The following TAOK1 variants were observed in gnomAD, a reference collection of about 807,000 sequenced individuals.
The protein encoded by TAOK1 is serine/threonine-protein kinase TAO1.
TAOK1 carries 21 observed loss-of-function variants against 138.3 expected under a neutral mutation model. The ratio of observed to expected loss-of-function variants is 0.15; its 90% confidence interval spans 0.11 to 0.22. The LOEUF (loss-of-function observed/expected upper bound fraction) is 0.22. Ranked by LOEUF, TAOK1 falls within the 10% of genes least tolerant of loss-of-function variation. TAOK1 has a pLI of 1.00. For missense variants in TAOK1, 651 were observed against 1,227.7 expected, an observed-to-expected ratio of 0.53 and a Z score of 7.02; for synonymous variants, 361 against 398.4, an observed-to-expected ratio of 0.91 and a Z score of 1.12.
At chr17:29,483,034 T>G (rs1399960048) in intron 8 of TAOK1, among the ~76,000 whole-genome samples, 1 of 152,178 alleles carries the variant, frequency 6.6e-6, no homozygotes, top group Non-Finnish European at 1.5e-5. Context: ...AGCCCAATAG[T>G]CTTTTCCTTT....
rs530185915 is a variant in TAOK1 at position 29,551,903 on chromosome 17, A to C, written c.*8881A>C. ...CTGTAATAAAGTAATTTTAGTACACAGTGTCTGTCCAGTTTTTTTAAGCAA... is the reference window on the plus strand; with the variant it reads ...CTGTAATAAAGTAATTTTAGTACACCGTGTCTGTCCAGTTTTTTTAAGCAA... On this transcript the variant is annotated 3_prime_UTR_variant, in exon 20 of 20. Coordinates refer to ENST00000261716, the MANE Select transcript of TAOK1 (RefSeq NM_020791.4). The C allele has an allele frequency of 6.6e-6, 1 of 152,566 alleles. No individual in the cohort carries two copies. Among genetic ancestry groups the C allele is most frequent in the African/African-American group, 2.4e-5 (1 of 41,574 alleles). 9.5% of individuals were successfully genotyped at this position (152,566 alleles called of 1,614,324 possible).
In TAOK1 at chr17:29,537,941, G is replaced by A. The variant is rs185261283; in HGVS notation, c.2544+3641G>A. Among the ~76,000 whole-genome samples the A allele has an allele frequency of 5.0e-4, 76 of 151,818 alleles. 1 individual carries two copies. Among genetic ancestry groups the A allele is most frequent in the African/African-American group, 1.8e-3 (73 of 41,398 alleles). On this transcript the variant is annotated intron_variant, in intron 19 of 19. Transcript: ENST00000261716. ...AGCCTGGCCAACGTGGTGAAACCCCGTCTCTACTAAAAATACAAAAATTAG... is the reference window on the plus strand; with the variant it reads ...AGCCTGGCCAACGTGGTGAAACCCCATCTCTACTAAAAATACAAAAATTAG...
Position 29,530,962 on chromosome 17 carries a change from A to ATTTTTTTTTTTTTTTTTTT in TAOK1, c.2361+360_2361+361insTTTTTTTTTTTTTTTTTTT, listed in dbSNP as rs66788063. 9.7e-4 allele frequency among the ~76,000 whole-genome samples: 93 copies of ATTTTTTTTTTTTTTTTTTT among 96,172 alleles called. 15 individuals are homozygous for ATTTTTTTTTTTTTTTTTTT. The highest frequency in any genetic ancestry group is 3.1e-3 in the African/African-American group (72 of 22,950). 63.1% of individuals were successfully genotyped at this position (96,172 alleles called of 152,430 possible). On this transcript the variant is annotated intron_variant, in intron 18 of 19. Transcript: ENST00000261716. ...TGGTTGTGTTTGAGTACAAGTACAA[A>ATTTTTTTTTTTTTTTTTTT]TTTTTTTTTTTTTTTTTGAGACGGA...
At chr17:29,504,970 A>G (rs2031605387) in intron 13 of TAOK1, among the ~76,000 whole-genome samples, 1 of 152,202 alleles carries the variant, frequency 6.6e-6, no homozygotes, top group Admixed American at 6.6e-5. Flanking sequence ...CCTCTTGGTA[A>G]CTTGGCATAA....
At chr17:29,397,647 T>TGATAC in intron 1 of TAOK1, among the ~76,000 whole-genome samples, 1 of 61,600 alleles carries the variant, frequency 1.6e-5, no homozygotes, top group South Asian at 7.2e-4. Flanking sequence ...TACATGTATA[T>TGATAC]ATGTATATTC....
At position 29,510,917 on chromosome 17, in the gene TAOK1, A is replaced by G. The variant is rs745814133; in HGVS notation, c.1629A>G (p.Gln543=). The change falls in exon 15 of 20, where the codon CAA becomes CAG. Residue 543 remains glutamine (Q), a synonymous_variant. Transcript: ENST00000261716. The part of the protein sequence containing the change: ...EKKFQQHIQA[Q]QKKELNSFLE... ...AATTTCAGCAACATATTCAGGCCCA[A>G]CAGAAGAAAGAACTGAATAGTTTTC... is the stretch of plus-strand genomic sequence containing the variant. 8 of 1,611,770 alleles carry G rather than the reference A, an allele frequency of 5.0e-6. No individual in the cohort carries two copies. The highest frequency in any genetic ancestry group is 6.8e-6 in the Non-Finnish European group (8 of 1,179,012).
In TAOK1 at chr17:29,523,982, A is replaced by G. The variant is rs146582683; in HGVS notation, c.2148+1463A>G. Among the ~76,000 whole-genome samples the G allele has an allele frequency of 1.1e-4, 16 of 152,276 alleles. No individual in the cohort carries two copies. The East Asian group carries it at 1.9e-3, about 18-fold the overall frequency. ...AAATCTAGAAGCTATAACACACTCA[A>G]TGGTATTCCCAATGCCCACCCAACT... On this transcript the variant is annotated intron_variant, in intron 17 of 19. Transcript: ENST00000261716.
chr17:29,501,951 C>T (rs1477378318), intron 12 of TAOK1, among the ~76,000 whole-genome samples: 1 of 152,038 alleles, frequency 6.6e-6, no homozygotes, highest in Non-Finnish European at 1.5e-5. Context: ...GTGGGAGGAT[C>T]GCTAGAGCCC....
At chr17:29,486,882 A>G (rs888951041) in intron 8 of TAOK1, among the ~76,000 whole-genome samples, 1 of 152,216 alleles carries the variant, frequency 6.6e-6, no homozygotes, top group Admixed American at 6.5e-5. Flanking sequence ...AAAGGAGGGC[A>G]TCTGTTTAAG....
chr17:29,477,709 A>C lies in TAOK1; in HGVS notation c.352+3A>C. 1 of 1,404,248 alleles carries C rather than the reference A, an allele frequency of 7.1e-7. No individual in the cohort carries two copies. 87.0% of individuals were successfully genotyped at this position (1,404,248 alleles called of 1,614,324 possible). A position where few individuals can be genotyped will look rare whatever the true frequency, so the allele number is the denominator to read the frequency against. On this transcript the variant is annotated splice_donor_region_variant and intron_variant, in intron 5 of 19. Transcript: ENST00000261716. The stretch of plus-strand genomic sequence containing the variant: ...ATCTGCTTCGGATTTACTAGAAGGT[A>C]AGTTCCCTTTGATTATTTTTTAAAA...
At chr17:29,458,738 A>G (rs902428231) in intron 2 of TAOK1, among the ~76,000 whole-genome samples, 2 of 152,060 alleles carry the variant, frequency 1.3e-5, no homozygotes, top group Middle Eastern at 3.2e-3. Flanking sequence ...TCTTTTGCCC[A>G]GGCTGGAATG....
chr17:29,486,743 A>G (rs1286599541), intron 8 of TAOK1, among the ~76,000 whole-genome samples: 1 of 152,168 alleles, frequency 6.6e-6, no homozygotes, highest in Non-Finnish European at 1.5e-5. Flanking sequence ...AAATTGAGAG[A>G]TTTTTAATTT....
chr17:29,421,956 G>A (rs552621952), intron 1 of TAOK1, among the ~76,000 whole-genome samples: 23 of 152,208 alleles, frequency 1.5e-4, no homozygotes, highest in Non-Finnish European at 2.4e-4. Context: ...GGAGTGCAGT[G>A]GCACGATCTC....
rs945892408 is a variant in TAOK1 at position 29,454,299 on chromosome 17, C to T, written c.132+2619C>T. Among the ~76,000 whole-genome samples, 4 of 152,174 alleles carry T rather than the reference C, an allele frequency of 2.6e-5. No homozygotes were observed. The South Asian group carries it at 8.3e-4, about 32-fold the overall frequency. ...TGTATGTCTATCTTTATGTCAGTAC[C>T]ACACCGTTTTGATGACTGTAGCTTT... On this transcript the variant is annotated intron_variant, in intron 2 of 19. Coordinates refer to ENST00000261716, the MANE Select transcript of TAOK1 (RefSeq NM_020791.4).
chr17:29,473,594 CAAA>C (rs1421657758), intron 3 of TAOK1, among the ~76,000 whole-genome samples: 2 of 94,134 alleles, frequency 2.1e-5, no homozygotes. Flanking sequence ...GTGAAACTCT[CAAA>C]AAAAAAAAAA....
intron 1 of TAOK1, among the ~76,000 whole-genome samples, chr17:29,435,913 G>A (rs1467465751): frequency 6.6e-6 from 1 of 152,130 alleles, no homozygotes. Context: ...GGCGGATCAC[G>A]AGGTCAGGAG....
intron 11 of TAOK1, among the ~76,000 whole-genome samples, chr17:29,497,715 A>C (rs2153028173): frequency 1.7e-5 from 1 of 59,070 alleles, no homozygotes; most frequent in South Asian, 4.7e-4. Flanking sequence ...ATTGAAATAC[A>C]AAAAAAAAAA....
At chr17:29,524,161 C>T (rs954246274) in intron 17 of TAOK1, among the ~76,000 whole-genome samples, 4 of 152,210 alleles carry the variant, frequency 2.6e-5, no homozygotes, top group South Asian at 2.1e-4. Context: ...ACATAATCTT[C>T]CTTAGTTAAT....
At chr17:29,514,819 C>T (rs181525786) in intron 15 of TAOK1, 20 of 146,946 alleles carry the variant, frequency 1.4e-4, no homozygotes, top group African/African-American at 4.8e-4. Context: ...TGTTGAGACC[C>T]TGTGTCTAGC....
Sources: allele counts gnomAD v4.1 joint callset (sites outside exome capture counted in the v4.1 genomes callset), GRCh38; gene constraint gnomAD v4.1.1; transcripts MANE v1.5; gene names NCBI Gene and HGNC (gene_info 2026-07-23, HGNC 2026-07-21).